The following NUP155 variants were observed in gnomAD, a reference collection of about 807,000 sequenced individuals.
The protein encoded by NUP155 is nuclear pore complex protein Nup155.
Under a neutral mutation model 180.4 loss-of-function variants are expected in NUP155, and 71 were observed. The observed-to-expected ratio is 0.39, with a 90% CI of 0.33 to 0.48. The LOEUF is 0.48. Among genes scored for constraint, NUP155 ranks in the 20% least tolerant of loss-of-function variants. The pLI, the probability that NUP155 is intolerant of heterozygous loss-of-function variation, is 0.91. For missense variants in NUP155, 1,553 were observed against 1,648.9 expected (o/e 0.94, Z 1.01); for synonymous variants, 582 against 559.5 (o/e 1.04, Z -0.57).
At chr5:37,322,688 CAG>C (rs1744325114) in intron 20 of NUP155, among the ~76,000 whole-genome samples, 1 of 138,658 alleles carries the variant, frequency 7.2e-6, no homozygotes, top group Non-Finnish European at 1.5e-5. Context: ...GGCTGGGCGA[CAG>C]AGCGAGACTC....
At chr5:37,296,197 C>T (rs1220780936) in intron 32 of NUP155, among the ~76,000 whole-genome samples, 4 of 152,080 alleles carry the variant, frequency 2.6e-5, no homozygotes, top group Admixed American at 1.3e-4. Flanking sequence ...TCATTGAGAA[C>T]GGGCCATGAT....
At chr5:37,365,260 A>AAAAT (rs139866282) in intron 1 of NUP155, among the ~76,000 whole-genome samples, 72,673 of 149,586 alleles carry the variant, frequency 0.49, 20,400 homozygotes, top group Non-Finnish European at 0.62. Context: ...CTCTGTCTCA[A>AAAAT]AAATAAATAA....
chr5:37,359,127 T>C (rs1747036856), intron 3 of NUP155, among the ~76,000 whole-genome samples: 1 of 150,382 alleles, frequency 6.6e-6, no homozygotes, highest in African/African-American at 2.4e-5. Context: ...TGAGACTTGG[T>C]CTTTATGAAA....
intron 32 of NUP155, among the ~76,000 whole-genome samples, chr5:37,296,719 G>A (rs1225879828): frequency 1.5e-5 from 2 of 133,348 alleles, no homozygotes; most frequent in Non-Finnish European, 3.0e-5. Flanking sequence ...AAATAAATAG[G>A]TTTCCTCACT....
intron 21 of NUP155, among the ~76,000 whole-genome samples, chr5:37,315,338 T>C (rs1326677118): frequency 6.6e-6 from 1 of 152,248 alleles, no homozygotes; most frequent in Non-Finnish European, 1.5e-5. Context: ...AAAAAGTTCA[T>C]GCAATAACTT....
In NUP155 at chr5:37,301,438, T is replaced by C; in HGVS notation, c.3560A>G (p.Lys1187Arg). 1 of 1,595,054 alleles carries C rather than the reference T, an allele frequency of 6.3e-7. No homozygotes were observed. The highest frequency in any genetic ancestry group is 8.6e-7 in the Non-Finnish European group (1 of 1,162,636). ...AAATTTCACTTGCTTTTTTATTACCTTAGTTATGTCCATCAGCTCAGAATC... is the reference window on the plus strand; with the variant it reads ...AAATTTCACTTGCTTTTTTATTACCCTAGTTATGTCCATCAGCTCAGAATC... ...QLDSELMDIT[K>R]LYGEFADPFK... Residue 1187 changes from lysine (K) to arginine (R), a missense_variant and splice_region_variant, in exon 30 of 35, where the codon AAG (lysine) becomes AGG (arginine). Transcript: ENST00000231498.
At chr5:37,302,987 G>C (rs1269777931) in intron 28 of NUP155, 79 bp from the exon 29 acceptor site, 1 of 1,430,556 alleles carries the variant, frequency 7.0e-7, no homozygotes, top group Non-Finnish European at 9.8e-7. Context: ...AGTATGTACT[G>C]TTTCATACCA....
intron 3 of NUP155, among the ~76,000 whole-genome samples, chr5:37,361,336 G>C (rs1389221394): frequency 6.7e-6 from 1 of 148,606 alleles, no homozygotes; most frequent in African/African-American, 2.5e-5. Context: ...AAAGATAACA[G>C]CTGAAAAAAA....
intron 32 of NUP155, among the ~76,000 whole-genome samples, chr5:37,295,664 A>C (rs1742499797): frequency 1.4e-5 from 2 of 142,106 alleles, no homozygotes; most frequent in African/African-American, 2.6e-5. Context: ...CCGGCCACCC[A>C]TCATCTGAGA....
At chr5:37,299,658 C>T (rs925505509) in intron 30 of NUP155, 90 bp from the exon 31 acceptor site, 21 of 1,304,704 alleles carry the variant, frequency 1.6e-5, no homozygotes, top group African/African-American at 1.3e-4. Flanking sequence ...TAAAAAATAA[C>T]CAAAGATTTT....
At chr5:37,305,276 T>C in intron 25 of NUP155, 66 bp from the exon 26 acceptor site, 1 of 1,426,292 alleles carries the variant, frequency 7.0e-7, no homozygotes. Flanking sequence ...GTAAGTGTGG[T>C]GACTCACGCC....
intron 6 of NUP155, among the ~76,000 whole-genome samples, chr5:37,350,572 G>C (rs1192829814): frequency 6.6e-6 from 1 of 152,110 alleles, no homozygotes; most frequent in African/African-American, 2.4e-5. Context: ...GGGAGGCCAA[G>C]GCAGGTGGAT....
chr5:37,291,674 A>C lies in NUP155; in HGVS notation c.*226T>G. On this transcript the variant is annotated 3_prime_UTR_variant, in exon 35 of 35. Coordinates refer to ENST00000231498, the MANE Select transcript of NUP155 (RefSeq NM_153485.3). Reference sequence around the variant, plus strand: ...TTTTTAATCCTTATGTTAAAATAATAAATAATCTCATTTCAGTTGTTTTTT... The same window carrying C: ...TTTTTAATCCTTATGTTAAAATAATCAATAATCTCATTTCAGTTGTTTTTT... 1 of 410,544 alleles carries C rather than the reference A, an allele frequency of 2.4e-6. No homozygotes were observed. The allele number at this position is 410,544 out of a possible 1,614,324, so 25.4% of individuals were successfully genotyped here. A position where few individuals can be genotyped will look rare whatever the true frequency, so the allele number is the denominator to read the frequency against.
At chr5:37,352,232 C>T (rs926359588) in intron 5 of NUP155, among the ~76,000 whole-genome samples, 2 of 152,130 alleles carry the variant, frequency 1.3e-5, no homozygotes, top group Non-Finnish European at 2.9e-5. Context: ...GTAGTGGGTG[C>T]CTGTAATCCC....
chr5:37,321,171 C>T (rs188442114), intron 20 of NUP155, among the ~76,000 whole-genome samples: 159 of 151,870 alleles, frequency 1.0e-3, no homozygotes, highest in Non-Finnish European at 1.5e-3. Context: ...CATGGCAAAA[C>T]CCTGTCTCTG....
Position 37,319,964 on chromosome 5 carries a change from C to T in NUP155, c.2208-1879G>A, listed in dbSNP as rs1458088568. On this transcript the variant is annotated intron_variant, in intron 20 of 34. Transcript: ENST00000231498. The stretch of plus-strand genomic sequence containing the variant: ...TTGGGAAGCTAAGGAGGGAGCATAA[C>T]TTGAGGCCAAGAGTTTTAGACCAGC... Among the ~76,000 whole-genome samples, 3 of 151,986 alleles carry T rather than the reference C, an allele frequency of 2.0e-5. No homozygotes were observed. In the East Asian group the frequency reaches 5.8e-4, roughly 29 times the overall value.
At chr5:37,292,634 C>T (rs1215741633) in intron 34 of NUP155, among the ~76,000 whole-genome samples, 2 of 152,008 alleles carry the variant, frequency 1.3e-5, no homozygotes, top group Non-Finnish European at 2.9e-5. Flanking sequence ...ATGTTTTGGT[C>T]CTAGATCACT....
intron 14 of NUP155, among the ~76,000 whole-genome samples, chr5:37,330,728 AAAAC>A (rs576511756): frequency 9.3e-4 from 142 of 152,204 alleles, no homozygotes; most frequent in East Asian, 9.3e-3. Flanking sequence ...TCATTAAGCC[AAAAC>A]AAACAAACAA....
intron 7 of NUP155, 40 bp downstream of exon 7, chr5:37,350,120 A>C (rs1746361146): frequency 7.5e-7 from 1 of 1,332,712 alleles, no homozygotes; most frequent in Non-Finnish European, 1.1e-6. Flanking sequence ...AATGTGTTAG[A>C]AATTAGTTGT....
Sources: allele counts gnomAD v4.1 joint callset (sites outside exome capture counted in the v4.1 genomes callset), GRCh38; gene constraint gnomAD v4.1.1; transcripts MANE v1.5; gene names NCBI Gene and HGNC (gene_info 2026-07-23, HGNC 2026-07-21).